Variants in PCSK6 observed in about 807,000 individuals in gnomAD.
The protein encoded by PCSK6 is paired basic amino acid cleaving enzyme 4.
In PCSK6, 85 loss-of-function variants were observed where a neutral mutation model predicts 123.3. The ratio of observed to expected loss-of-function variants is 0.69; its 90% CI spans 0.58 to 0.83. The LOEUF is 0.83. Ranked by LOEUF, PCSK6 falls within the 40% of genes least tolerant of loss-of-function variation. The pLI is 0.00. For missense variants in PCSK6, 1,191 were observed against 1,282.3 expected (o/e 0.93, Z 1.09); for synonymous variants, 508 against 516.0 (o/e 0.98, Z 0.21).
At chr15:101,406,338 A>G (rs1356718726) in intron 6 of PCSK6, among the ~76,000 whole-genome samples, 1 of 152,284 alleles carries the variant, frequency 6.6e-6, no homozygotes, top group East Asian at 1.9e-4. Context: ...ATTGAGAAGT[A>G]ATGTATTTTG....
At chr15:101,374,162 G>A (rs28635923) in intron 11 of PCSK6, among the ~76,000 whole-genome samples, 3,905 of 152,190 alleles carry the variant, frequency 0.026, 191 homozygotes, top group African/African-American at 0.088. Flanking sequence ...TACTTCAGAT[G>A]TTCTCCATTC....
intron 6 of PCSK6, among the ~76,000 whole-genome samples, chr15:101,403,528 T>C (rs959891082): frequency 2.0e-5 from 3 of 152,150 alleles, no homozygotes; most frequent in Non-Finnish European, 2.9e-5. Context: ...GCACAAAAGA[T>C]TGTATGTCAC....
At position 101,443,748 on chromosome 15, in the gene PCSK6, C is replaced by G. The variant is rs533992146; in HGVS notation, c.298-88G>C. The G allele has an allele frequency of 2.3e-4, 204 of 893,616 alleles. 2 individuals are homozygous for G. In the South Asian group the frequency reaches 2.6e-3, roughly 11 times the overall value. The allele number at this position is 893,616 out of a possible 1,614,324, so 55.4% of individuals were successfully genotyped here. A position where few individuals can be genotyped will look rare whatever the true frequency, so the allele number is the denominator to read the frequency against. On this transcript the variant is annotated intron_variant, in intron 1 of 21. Coordinates refer to ENST00000611716, the MANE Select transcript of PCSK6 (RefSeq NM_002570.5). ...CACCCCACAAGAATCTCCCCCTTATCTGAGGGGCTCATTCTCCCAGAGGAA... is the reference window on the plus strand; with the variant it reads ...CACCCCACAAGAATCTCCCCCTTATGTGAGGGGCTCATTCTCCCAGAGGAA...
intron 4 of PCSK6, among the ~76,000 whole-genome samples, chr15:101,431,036 G>A (rs2056430032): frequency 6.6e-6 from 1 of 152,282 alleles, no homozygotes; most frequent in Middle Eastern, 3.4e-3. Flanking sequence ...CTATCTGTAC[G>A]CTGATGATCC....
intron 6 of PCSK6, among the ~76,000 whole-genome samples, chr15:101,421,357 T>C (rs998509555): frequency 6.6e-6 from 1 of 152,242 alleles, no homozygotes; most frequent in Non-Finnish European, 1.5e-5. Flanking sequence ...TTGGTTAAAC[T>C]ATGTCCACAG....
chr15:101,362,812 G>T (rs894161422), intron 13 of PCSK6, among the ~76,000 whole-genome samples: 1 of 152,366 alleles, frequency 6.6e-6, no homozygotes, highest in East Asian at 1.9e-4. Context: ...TCTACCCCCA[G>T]GTAGAAGGGC....
intron 1 of PCSK6, among the ~76,000 whole-genome samples, chr15:101,456,425 C>T (rs2057182349): frequency 1.3e-5 from 2 of 152,204 alleles, no homozygotes; most frequent in South Asian, 4.1e-4. Flanking sequence ...CAAGCCACTG[C>T]AGGTCTCCAG....
At chr15:101,454,632 T>C (rs534236205) in intron 1 of PCSK6, among the ~76,000 whole-genome samples, 1 of 151,104 alleles carries the variant, frequency 6.6e-6, no homozygotes, top group African/African-American at 2.4e-5. Flanking sequence ...GAGTGGGGAG[T>C]TGGTGTGTAA....
At chr15:101,454,189 C>G (rs977377843) in intron 1 of PCSK6, among the ~76,000 whole-genome samples, 10 of 152,236 alleles carry the variant, frequency 6.6e-5, no homozygotes, top group Non-Finnish European at 1.3e-4. Context: ...AAAACACCAT[C>G]ACTTGAGAGC....
Position 101,304,341 on chromosome 15 carries a change from A to C in PCSK6, c.*917T>G, listed in dbSNP as rs1015716083. On this transcript the variant is annotated 3_prime_UTR_variant, in exon 22 of 22. Transcript: ENST00000611716. ...TCCACCTTAAAAACGAGTCTTCTGAAGGGCAGAGGCCAAATGTATTTTAAA... is the reference window on the plus strand; with the variant it reads ...TCCACCTTAAAAACGAGTCTTCTGACGGGCAGAGGCCAAATGTATTTTAAA... 3.3e-5 allele frequency: 5 copies of C among 152,496 alleles called. No homozygotes were observed. Among genetic ancestry groups the C allele is most frequent in the African/African-American group, 1.2e-4 (5 of 41,466 alleles). 9.4% of individuals were successfully genotyped at this position (152,496 alleles called of 1,614,324 possible). A position where few individuals can be genotyped will look rare whatever the true frequency, so the allele number is the denominator to read the frequency against.
chr15:101,305,385 A>G lies in PCSK6; in HGVS notation c.2813-30T>C. The G allele has an allele frequency of 6.3e-7, 1 of 1,585,268 alleles. No homozygotes were observed. The highest frequency in any genetic ancestry group is 1.1e-5 in the South Asian group (1 of 89,552). ...GGCCCCGCATCAGGAAAGGCAAAAG[A>G]GGGAAAGGTCAGTCTTCGGTGCCTG... On this transcript the variant is annotated intron_variant, in intron 21 of 21. Coordinates refer to ENST00000611716, the MANE Select transcript of PCSK6 (RefSeq NM_002570.5). This position sits in a 1 kb window ranked among gnomAD's most constrained non-coding sequence, Gnocchi z 4.8.
chr15:101,377,118 G>A (rs753903662), intron 11 of PCSK6, among the ~76,000 whole-genome samples: 5 of 152,254 alleles, frequency 3.3e-5, no homozygotes, highest in Admixed American at 6.5e-5. Flanking sequence ...TGATCCGCAC[G>A]GCACTCCACC....
intron 1 of PCSK6, among the ~76,000 whole-genome samples, chr15:101,474,466 C>T (rs1035410526): frequency 1.3e-5 from 2 of 152,200 alleles, no homozygotes; most frequent in African/African-American, 4.8e-5. Flanking sequence ...TAACTTAGCA[C>T]CTCGTCCGGG....
intron 13 of PCSK6, 130 bp downstream of exon 13, chr15:101,366,066 C>T (rs2041377622): frequency 2.0e-6 from 2 of 979,126 alleles, no homozygotes; most frequent in African/African-American, 1.6e-5. Flanking sequence ...GGTGAATTTT[C>T]TGTTATGGGA....
chr15:101,348,840 C>T (rs2141404715), intron 13 of PCSK6, among the ~76,000 whole-genome samples: 1 of 152,316 alleles, frequency 6.6e-6, no homozygotes, highest in South Asian at 2.1e-4. Flanking sequence ...TCTCCCTAAA[C>T]ACCACCCTGA....
intron 1 of PCSK6, among the ~76,000 whole-genome samples, chr15:101,464,163 G>A (rs12911813): frequency 0.75 from 113,626 of 151,958 alleles, 43,017 homozygotes; most frequent in Non-Finnish European, 0.82. Context: ...CTGCTCCTGG[G>A]GCTGCTGCCT....
intron 11 of PCSK6, 121 bp from the exon 12 acceptor site, chr15:101,370,644 C>G: frequency 1.2e-6 from 1 of 869,072 alleles, no homozygotes; most frequent in Non-Finnish European, 1.6e-6. Context: ...CTGCGGGCCC[C>G]GGGGAGCCGC....
intron 1 of PCSK6, among the ~76,000 whole-genome samples, chr15:101,473,461 A>G (rs1191445269): frequency 1.3e-5 from 2 of 152,232 alleles, no homozygotes; most frequent in Non-Finnish European, 2.9e-5. Flanking sequence ...TTGGTTTTCT[A>G]ACGTTTTCTG....
chr15:101,353,806 T>C (rs1420100877), intron 13 of PCSK6, among the ~76,000 whole-genome samples: 2 of 152,116 alleles, frequency 1.3e-5, no homozygotes, highest in African/African-American at 4.8e-5. Flanking sequence ...AGGGTGGCCC[T>C]GAGCTTGGAA....
Sources: gnomAD v4.1 joint callset for allele counts (sites outside exome capture counted in the v4.1 genomes callset) on GRCh38, gnomAD v4.1.1 for gene constraint, Gnocchi (gnomAD v3.1) non-coding constraint, MANE v1.5 for transcripts, NCBI Gene and HGNC (gene_info 2026-07-23, HGNC 2026-07-21) for gene names.